GRIK1: variants seen among roughly 807,000 people sequenced by gnomAD.
GRIK1 encodes the protein glutamate receptor ionotropic, kainate 1.
GRIK1 carries 69 observed loss-of-function variants against 105.7 expected under a neutral mutation model. The ratio of observed to expected loss-of-function variants is 0.65; its 90% CI spans 0.54 to 0.80. The LOEUF (loss-of-function observed/expected upper bound fraction) is 0.80, where lower values mean the gene tolerates loss of function less well. GRIK1 is among the 30% of genes least tolerant of loss of function. GRIK1 has a pLI of 0.00. For missense variants in GRIK1, 1,109 were observed against 1,167.3 expected (o/e 0.95, Z 0.73); for synonymous variants, 438 against 431.3 (o/e 1.02, Z -0.19).
At chr21:29,928,398 C>A (rs1056202747) in intron 1 of GRIK1, among the ~76,000 whole-genome samples, 2 of 152,150 alleles carry the variant, frequency 1.3e-5, no homozygotes, top group African/African-American at 2.4e-5. Flanking sequence ...AGTTGGGAAA[C>A]CTGGAGTCAT....
At chr21:29,930,458 A>G (rs1263132523) in intron 1 of GRIK1, among the ~76,000 whole-genome samples, 4 of 152,160 alleles carry the variant, frequency 2.6e-5, no homozygotes, top group Non-Finnish European at 1.5e-5. Flanking sequence ...CCTTTCCCCA[A>G]TCTGCATTAT....
intron 7 of GRIK1, among the ~76,000 whole-genome samples, chr21:29,629,109 A>G (rs1276376008): frequency 6.6e-6 from 1 of 152,190 alleles, no homozygotes; most frequent in Non-Finnish European, 1.5e-5. Flanking sequence ...AGGTAGACAC[A>G]TAGAAATGTA....
chr21:29,640,253 C>G (rs560785777), intron 7 of GRIK1, among the ~76,000 whole-genome samples: 1 of 151,674 alleles, frequency 6.6e-6, no homozygotes, highest in African/African-American at 2.4e-5. Flanking sequence ...AAATTTTGTT[C>G]AGTTATGCAC....
At chr21:29,572,772 T>C (rs774971776) in intron 14 of GRIK1, among the ~76,000 whole-genome samples, 5 of 150,876 alleles carry the variant, frequency 3.3e-5, no homozygotes, top group African/African-American at 7.4e-5. Flanking sequence ...GTCTTTTTTT[T>C]TTCTTCTTCT....
At chr21:29,655,426 T>C (rs2062830763) in intron 4 of GRIK1, among the ~76,000 whole-genome samples, 1 of 152,058 alleles carries the variant, frequency 6.6e-6, no homozygotes, top group Non-Finnish European at 1.5e-5. Flanking sequence ...AAAAAATAGT[T>C]TGTACTAAAC....
chr21:29,596,507 T>A lies in GRIK1; in HGVS notation c.1251+19A>T. On this transcript the variant is annotated intron_variant, in intron 9 of 17. Coordinates refer to ENST00000327783, the MANE Select transcript of GRIK1 (RefSeq NM_001330994.2). ...CATCCCACCCCCAGGTTTCCTGCAG[T>A]TGTTGTCAGAGTACAAACCTTCTTC... 6.4e-7 allele frequency: 1 copy of A among 1,569,388 alleles called. No homozygotes were observed. The highest frequency in any genetic ancestry group is 8.8e-7 in the Non-Finnish European group (1 of 1,139,330).
Position 29,596,530 on chromosome 21 carries a change from T to C in GRIK1, c.1247A>G (p.Lys416Arg). 6.2e-7 allele frequency: 1 copy of C among 1,606,676 alleles called. No individual in the cohort carries two copies. The highest frequency in any genetic ancestry group is 8.5e-7 in the Non-Finnish European group (1 of 1,173,224). ...AGTTGTTGTCAGAGTACAAACCTTC[T>C]TCCACACTTTATACAAGTGTTTAGA... ...EVSKHLYKVW[K>R]KIGIWNSNSG... The change falls in exon 9 of 18, where the codon AAG becomes AGG. Residue 416 changes from lysine to arginine, a missense_variant. This residue lies in a region of GRIK1 where 612 missense variants were observed against 586.0 expected (regional missense o/e 1.04). Transcript: ENST00000327783.
chr21:29,827,773 T>C (rs1311858179), intron 1 of GRIK1, among the ~76,000 whole-genome samples: 1 of 152,048 alleles, frequency 6.6e-6, no homozygotes, highest in Admixed American at 6.6e-5. Context: ...CCCCAAAACT[T>C]AGCGTCTTTA....
At chr21:29,559,904 CTT>C (rs992029268) in intron 15 of GRIK1, among the ~76,000 whole-genome samples, 9 of 152,084 alleles carry the variant, frequency 5.9e-5, no homozygotes, top group African/African-American at 2.2e-4. Flanking sequence ...GCAGCTGTCT[CTT>C]TTAGGTATGT....
chr21:29,841,142 A>G (rs2067970561), intron 1 of GRIK1, among the ~76,000 whole-genome samples: 1 of 152,200 alleles, frequency 6.6e-6, no homozygotes. Flanking sequence ...TAGTGTACAC[A>G]CACACTACCG....
intron 1 of GRIK1, among the ~76,000 whole-genome samples, chr21:29,842,469 A>C (rs2068008759): frequency 1.3e-5 from 2 of 152,150 alleles, no homozygotes; most frequent in African/African-American, 4.8e-5. Context: ...CTTACTAGAA[A>C]TTTTCAAAAG....
rs1261148063 is a variant in GRIK1 at position 29,691,660 on chromosome 21, A to G, written c.287-1675T>C. Among the ~76,000 whole-genome samples the G allele has an allele frequency of 2.6e-5, 4 of 152,378 alleles. No individual in the cohort carries two copies. In the East Asian group the frequency reaches 7.7e-4, roughly 29 times the overall value. On this transcript the variant is annotated intron_variant, in intron 2 of 17. Transcript: ENST00000327783. ...TTAATTCTGCAAATTTAGAACGGTC[A>G]TCAGATAATTAAATATCAAATTAGC...
At chr21:29,550,882 T>C (rs2090122520) in intron 16 of GRIK1, among the ~76,000 whole-genome samples, 1 of 152,250 alleles carries the variant, frequency 6.6e-6, no homozygotes, top group African/African-American at 2.4e-5. Flanking sequence ...TTAATTATCA[T>C]AGTAAATGTA....
intron 6 of GRIK1, among the ~76,000 whole-genome samples, chr21:29,644,250 C>A (rs2062572888): frequency 6.6e-6 from 1 of 152,042 alleles, no homozygotes; most frequent in South Asian, 2.1e-4. Context: ...TTATTCTGTT[C>A]AATCTTTATC....
intron 1 of GRIK1, among the ~76,000 whole-genome samples, chr21:29,785,658 G>GT (rs955402260): frequency 4.0e-5 from 6 of 151,288 alleles, no homozygotes; most frequent in African/African-American, 1.5e-4. Context: ...AGCGCAGAAA[G>GT]TGCGTGTTCC....
intron 1 of GRIK1, among the ~76,000 whole-genome samples, chr21:29,774,871 C>T (rs919843003): frequency 1.2e-4 from 18 of 152,270 alleles, no homozygotes; most frequent in African/African-American, 4.3e-4. Flanking sequence ...TGGTTTCATG[C>T]CCTGCTGTTG....
intron 8 of GRIK1, chr21:29,597,591 TG>T: frequency 2.2e-6 from 1 of 457,836 alleles, no homozygotes; most frequent in Non-Finnish European, 4.6e-6. Context: ...TGCACCATCG[TG>T]GAGACTGGCT....
At chr21:29,793,602 G>C (rs527252097) in intron 1 of GRIK1, among the ~76,000 whole-genome samples, 1 of 152,040 alleles carries the variant, frequency 6.6e-6, no homozygotes, top group East Asian at 1.9e-4. Context: ...AGACAGAAAG[G>C]AAAGCTGCCT....
At chr21:29,714,425 A>C (rs1257048044) in intron 1 of GRIK1, among the ~76,000 whole-genome samples, 1 of 152,226 alleles carries the variant, frequency 6.6e-6, no homozygotes, top group Non-Finnish European at 1.5e-5. Flanking sequence ...TTCAATGTGG[A>C]GGACAGTTCT....
Sources: allele counts gnomAD v4.1 joint callset (sites outside exome capture counted in the v4.1 genomes callset), GRCh38; gene constraint gnomAD v4.1.1; regional missense constraint gnomAD v4.1.1; transcripts MANE v1.5; gene names NCBI Gene and HGNC (gene_info 2026-07-23, HGNC 2026-07-21).